The following HEATR4 variants were observed in gnomAD, a reference collection of about 807,000 sequenced individuals.
HEATR4 encodes the protein HEAT repeat-containing protein 4.
HEATR4 carries 95 observed loss-of-function variants against 108.8 expected under a neutral mutation model. The observed-to-expected ratio is 0.87, with a 90% CI of 0.74 to 1.04. The LOEUF (loss-of-function observed/expected upper bound fraction) is 1.04, where lower values mean the gene tolerates loss of function less well. Among genes scored for constraint, HEATR4 ranks in the 50% least tolerant of loss-of-function variants. The pLI is 0.00. For synonymous variants in HEATR4, 443 were observed against 459.4 expected, an observed-to-expected ratio of 0.96 and a Z score of 0.46; for missense variants, 1,152 against 1,253.8, an observed-to-expected ratio of 0.92 and a Z score of 1.23.
intron 15 of HEATR4, 41 bp from the exon 16 acceptor site, chr14:73,495,428 A>C (rs200105882): frequency 1.7e-4 from 268 of 1,535,998 alleles, no homozygotes; most frequent in East Asian, 8.8e-4. Flanking sequence ...AAAACAAAAC[A>C]CCTGTACTAG....
the HEATR4 span, among the ~76,000 whole-genome samples, chr14:73,588,846 C>A: frequency 3.0e-4 from 45 of 152,006 alleles, no homozygotes; most frequent in Admixed American, 2.6e-3. Flanking sequence ...GGACATGAAC[C>A]CTGGACCCTC....
chr14:73,588,854 C>T, the HEATR4 span, among the ~76,000 whole-genome samples: 1 of 151,988 alleles, frequency 6.6e-6, no homozygotes, highest in Non-Finnish European at 1.5e-5. Flanking sequence ...ACCCTGGACC[C>T]TCAGATTAAA....
At chr14:73,498,438 C>G in intron 13 of HEATR4, 94 bp from the exon 14 acceptor site, 4 of 1,078,162 alleles carry the variant, frequency 3.7e-6, no homozygotes, top group Non-Finnish European at 5.3e-6. Flanking sequence ...AATACCTTCC[C>G]TTTTGGATGG....
chr14:73,617,275 TG>T, the HEATR4 span: 1 of 1,565,538 alleles, frequency 6.4e-7, no homozygotes, highest in Non-Finnish European at 8.8e-7. Flanking sequence ...GCCAGAACAC[TG>T]AGAACTAGAA....
At chr14:73,491,503 G>A (rs1453415185) in intron 17 of HEATR4, 2 of 1,513,664 alleles carry the variant, frequency 1.3e-6, no homozygotes, top group Non-Finnish European at 1.8e-6. Flanking sequence ...AGTCGTCCGG[G>A]GCCCCTGCGA....
At position 73,519,572 on chromosome 14, in the gene HEATR4, C is replaced by T. The variant is rs571085301; in HGVS notation, c.1070-409G>A. Among the ~76,000 whole-genome samples the T allele has an allele frequency of 4.6e-5, 7 of 151,964 alleles. No homozygotes were observed. In the East Asian group the frequency reaches 1.4e-3, roughly 29 times the overall value. On this transcript the variant is annotated intron_variant, in intron 4 of 17. Coordinates refer to ENST00000553558, the MANE Select transcript of HEATR4 (RefSeq NM_001220484.1). ...CAGCCTGGGCAACACTGTAAGACCC[C>T]CGTCTCTACAAAAAATACAAAAATT... is the stretch of plus-strand genomic sequence containing the variant.
At chr14:73,612,331 C>T in the HEATR4 span, among the ~76,000 whole-genome samples, 11 of 152,200 alleles carry the variant, frequency 7.2e-5, no homozygotes, top group Non-Finnish European at 1.0e-4. Context: ...CGTGATCCAC[C>T]GCCCCCGGCC....
At chr14:73,590,579 G>A in the HEATR4 span, among the ~76,000 whole-genome samples, 2 of 152,228 alleles carry the variant, frequency 1.3e-5, no homozygotes, top group Admixed American at 1.3e-4. Context: ...CACGGCGGGG[G>A]CGGGGGCTCA....
upstream of HEATR4, among the ~76,000 whole-genome samples, chr14:73,559,359 T>C (rs1889468966): frequency 6.6e-6 from 1 of 151,712 alleles, no homozygotes; most frequent in Non-Finnish European, 1.5e-5. Context: ...CCTCAAGTGA[T>C]GTGTCCGCCT....
the HEATR4 span, chr14:73,593,571 G>C: frequency 1.3e-6 from 1 of 754,366 alleles, no homozygotes. Flanking sequence ...TTGAACTCCT[G>C]GCCTCAAGCA....
At chr14:73,509,870 T>A (rs113970630) in intron 7 of HEATR4, among the ~76,000 whole-genome samples, 1,478 of 64,812 alleles carry the variant, frequency 0.023, 91 homozygotes, top group African/African-American at 0.048. Flanking sequence ...ATATATATAT[T>A]TATTTATTTT....
the HEATR4 span, among the ~76,000 whole-genome samples, chr14:73,630,735 T>G: frequency 6.6e-6 from 1 of 152,236 alleles, no homozygotes; most frequent in Admixed American, 6.5e-5. Context: ...ATTTTGAGGT[T>G]TTATCACTGG....
Position 73,492,999 on chromosome 14 carries a change from CTTTTTTT to C in HEATR4, c.2844+60_2844+66del. On this transcript the variant is annotated intron_variant, in intron 17 of 17. Coordinates refer to ENST00000553558, the MANE Select transcript of HEATR4 (RefSeq NM_001220484.1). This position sits in a 1 kb window ranked among gnomAD's most constrained non-coding sequence, Gnocchi z 4.9. ...AGTGATTCTCCGCTGCCACTGCTACCTTTTTTTTTTTTTTTTCCTTAAACTCACGTTC... is the reference window on the plus strand; with the variant it reads ...AGTGATTCTCCGCTGCCACTGCTACCTTTTTTTTTCCTTAAACTCACGTTC... 1 of 1,460,246 alleles carries C rather than the reference CTTTTTTT, an allele frequency of 6.8e-7. No homozygotes were observed. The highest frequency in any genetic ancestry group is 1.3e-5 in the South Asian group (1 of 76,448). The allele number at this position is 1,460,246 out of a possible 1,614,324, so 90.5% of individuals were successfully genotyped here.
Position 73,496,674 on chromosome 14 carries a change from A to G in HEATR4, c.2552T>C (p.Met851Thr). The G allele has an allele frequency of 1.3e-6, 2 of 1,560,898 alleles. 1 individual carries two copies. Among genetic ancestry groups the G allele is most frequent in the Admixed American group, 3.3e-5 (2 of 59,904 alleles). The change falls in exon 15 of 18, where the codon ATG becomes ACG. Residue 851 changes from methionine to threonine, a missense_variant. Coordinates refer to ENST00000553558, the MANE Select transcript of HEATR4 (RefSeq NM_001220484.1). ...LENHDAVLKE[M>T]YQTMKILNLG... ...GTTGAGTATCTTCATTGTCTGGTAC[A>G]TTTCTCTGAAAGATAAGAAGGGCTT...
the HEATR4 span, among the ~76,000 whole-genome samples, chr14:73,572,637 G>T: frequency 1.6e-5 from 1 of 62,022 alleles, no homozygotes; most frequent in Non-Finnish European, 2.7e-5. Flanking sequence ...TAAGGTGTTT[G>T]CATTTTTTTT....
upstream of HEATR4, among the ~76,000 whole-genome samples, chr14:73,559,294 C>G (rs1889467599): frequency 6.6e-6 from 1 of 151,596 alleles, no homozygotes; most frequent in Non-Finnish European, 1.5e-5. Flanking sequence ...ACTAATTGTA[C>G]TTTTAGTAGA....
At chr14:73,587,055 G>A in the HEATR4 span, among the ~76,000 whole-genome samples, 2 of 151,642 alleles carry the variant, frequency 1.3e-5, no homozygotes, top group African/African-American at 2.4e-5. Flanking sequence ...TAGTTTTATG[G>A]GGATATTACC....
rs1203578170 is a variant in HEATR4, at chr14:73,492,434, C to A, written c.2844+632G>T. ...CCAGCATTCAGATTCTAAGGATCCG[C>A]GAAGAACCGCTTTCATGGAGAAGGT... On this transcript the variant is annotated intron_variant, in intron 17 of 17. Coordinates refer to ENST00000553558, the MANE Select transcript of HEATR4 (RefSeq NM_001220484.1). This position sits in a 1 kb window ranked among gnomAD's most constrained non-coding sequence, Gnocchi z 4.9. 2 of 1,613,790 alleles carry A rather than the reference C, an allele frequency of 1.2e-6. No homozygotes were observed. The highest frequency in any genetic ancestry group is 1.7e-6 in the Non-Finnish European group (2 of 1,179,778).
chr14:73,521,175 T>C, intron 3 of HEATR4, 136 bp from the exon 4 acceptor site: 1 of 748,138 alleles, frequency 1.3e-6, no homozygotes, highest in South Asian at 1.8e-5. Context: ...AACACCAATG[T>C]TTAACTTTTA....
Sources: gnomAD v4.1 joint callset for allele counts (sites outside exome capture counted in the v4.1 genomes callset) on GRCh38, gnomAD v4.1.1 for gene constraint, Gnocchi (gnomAD v3.1) non-coding constraint, MANE v1.5 for transcripts, NCBI Gene and HGNC (gene_info 2026-07-23, HGNC 2026-07-21) for gene names.